Variants in RASEF observed in about 807,000 individuals in gnomAD.
RASEF encodes the protein RAS and EF-hand domain containing, also known as ras and EF-hand domain-containing protein.
In RASEF, 68 loss-of-function variants were observed where a neutral mutation model predicts 90.1. The observed-to-expected ratio is 0.75, with a 90% CI of 0.62 to 0.92. The LOEUF is 0.92. Among genes scored for constraint, RASEF ranks in the 40% least tolerant of loss-of-function variants. The pLI, the probability that RASEF is intolerant of heterozygous loss-of-function variation, is 0.00. For synonymous variants in RASEF, 331 were observed against 345.2 expected, an observed-to-expected ratio of 0.96 and a Z score of 0.46; for missense variants, 949 against 937.2, an observed-to-expected ratio of 1.01 and a Z score of -0.16.
chr9:83,001,214 G>A (rs1200108680), intron 9 of RASEF, 84 bp from the exon 10 acceptor site: 11 of 942,920 alleles, frequency 1.2e-5, no homozygotes, highest in Non-Finnish European at 1.8e-5. Context: ...GCCATTAGAT[G>A]GAATCAAGTA....
At chr9:82,993,946 C>T (rs1828860978) in intron 14 of RASEF, among the ~76,000 whole-genome samples, 1 of 152,212 alleles carries the variant, frequency 6.6e-6, no homozygotes, top group Admixed American at 6.5e-5. Flanking sequence ...TACAAGAAGA[C>T]AACCTGACTA....
chr9:83,073,081 C>T, the RASEF span, among the ~76,000 whole-genome samples: 2 of 152,292 alleles, frequency 1.3e-5, no homozygotes, highest in African/African-American at 4.8e-5. Context: ...CTCCATCACG[C>T]ATGTAGCAGA....
the RASEF span, among the ~76,000 whole-genome samples, chr9:83,117,566 A>G: frequency 1.3e-5 from 2 of 152,332 alleles, no homozygotes; most frequent in South Asian, 4.2e-4. Context: ...ATGCCACCTT[A>G]TCTGAAGATT....
the RASEF span, among the ~76,000 whole-genome samples, chr9:83,166,435 A>AT: frequency 1.3e-5 from 2 of 152,174 alleles, no homozygotes; most frequent in Admixed American, 1.3e-4. Flanking sequence ...AGGGTTGTCA[A>AT]TAGAGACTGA....
the RASEF span, among the ~76,000 whole-genome samples, chr9:83,183,856 G>A: frequency 0.71 from 108,514 of 152,154 alleles, 38,939 homozygotes; most frequent in Middle Eastern, 0.84. Flanking sequence ...CTCTGGGAGG[G>A]CTTTGGTGGC....
At chr9:82,993,237 A>AG (rs1828848677) in intron 14 of RASEF, among the ~76,000 whole-genome samples, 2 of 151,942 alleles carry the variant, frequency 1.3e-5, no homozygotes, top group South Asian at 4.1e-4. Context: ...GAGAGGTTAA[A>AG]TAAGAAGGTA....
the RASEF span, among the ~76,000 whole-genome samples, chr9:83,145,700 GA>G: frequency 3.3e-5 from 5 of 151,702 alleles, no homozygotes; most frequent in African/African-American, 1.2e-4. Context: ...TAAAAATAAA[GA>G]AGAGAGAAAA....
At position 83,005,457 on chromosome 9, in the gene RASEF, T is replaced by C. The variant is rs1212203328; in HGVS notation, c.1072A>G (p.Ser358Gly). The change falls in exon 8 of 17, where the codon AGT (serine) becomes GGT (glycine). Residue 358 changes from serine (S) to glycine (G), a missense_variant. By Grantham distance (56) the Ser-to-Gly change is moderately conservative. Transcript: ENST00000376447. ...TTGCTATAACTGTTTTCAAGGGCACTTCTAAGGCCATCATTACTGTCATGT... is the reference window on the plus strand; with the variant it reads ...TTGCTATAACTGTTTTCAAGGGCACCTCTAAGGCCATCATTACTGTCATGT... ...KLHDSNDGLRSALENSYSKFN... is the reference protein window; with the variant it reads ...KLHDSNDGLRGALENSYSKFN... 6.2e-7 allele frequency: 1 copy of C among 1,614,060 alleles called. No homozygotes were observed. The highest frequency in any genetic ancestry group is 1.7e-5 in the Admixed American group (1 of 60,020).
chr9:83,043,533 G>A (rs576063353), intron 1 of RASEF, among the ~76,000 whole-genome samples: 19 of 152,220 alleles, frequency 1.2e-4, no homozygotes, highest in Admixed American at 1.2e-3. Context: ...TTTTGCATGT[G>A]GTTTTGTCTT....
intron 1 of RASEF, among the ~76,000 whole-genome samples, chr9:83,058,736 G>A (rs1830148188): frequency 1.3e-5 from 2 of 152,202 alleles, no homozygotes; most frequent in Non-Finnish European, 2.9e-5. Flanking sequence ...GCTGTCCAAT[G>A]GGTGAGCCTT....
chr9:83,153,224 A>G, the RASEF span, among the ~76,000 whole-genome samples: 1 of 152,120 alleles, frequency 6.6e-6, no homozygotes, highest in African/African-American at 2.4e-5. Context: ...CACCATGTAT[A>G]TTCATATTTT....
At chr9:83,106,863 T>C in the RASEF span, among the ~76,000 whole-genome samples, 1 of 152,186 alleles carries the variant, frequency 6.6e-6, no homozygotes, top group Admixed American at 6.5e-5. Flanking sequence ...CTCTTCCTGC[T>C]TAAATTCCAG....
rs116954742 is a variant in RASEF at position 83,008,243 on chromosome 9, G to A, written c.960-738C>T. ...TTGGTTCACAATAACCTGTCCATCT[G>A]CTCCCTGGATGATAAAAGTACACAT... On this transcript the variant is annotated intron_variant, in intron 6 of 16. Coordinates refer to ENST00000376447, the MANE Select transcript of RASEF (RefSeq NM_152573.4). Among the ~76,000 whole-genome samples the A allele has an allele frequency of 2.6e-5, 4 of 152,264 alleles. No homozygotes were observed. The East Asian group carries it at 5.8e-4, about 22-fold the overall frequency.
chr9:83,048,209 T>C (rs1829967299), intron 1 of RASEF: 2 of 985,234 alleles, frequency 2.0e-6, no homozygotes, highest in Non-Finnish European at 2.4e-6. Flanking sequence ...GGAGGTCATC[T>C]GACAGGGACC....
At chr9:83,196,066 C>T in the RASEF span, among the ~76,000 whole-genome samples, 1 of 151,968 alleles carries the variant, frequency 6.6e-6, no homozygotes, top group South Asian at 2.1e-4. Context: ...CAAGGTGTTT[C>T]GCCTGAGTGA....
the RASEF span, among the ~76,000 whole-genome samples, chr9:83,142,217 A>T: frequency 5.9e-5 from 9 of 152,334 alleles, no homozygotes; most frequent in South Asian, 8.3e-4. Context: ...AAACAATCAC[A>T]CTGAAATCAA....
the RASEF span, among the ~76,000 whole-genome samples, chr9:83,085,881 C>T: frequency 1.7e-3 from 253 of 151,824 alleles, 2 homozygotes; most frequent in African/African-American, 5.3e-3. Flanking sequence ...GCTGAGATTG[C>T]GCCACTACAC....
chr9:83,075,980 C>T, the RASEF span, among the ~76,000 whole-genome samples: 3 of 151,880 alleles, frequency 2.0e-5, no homozygotes, highest in Non-Finnish European at 2.9e-5. Context: ...CCAGCCTGGC[C>T]ACCACAGTGA....
the RASEF span, among the ~76,000 whole-genome samples, chr9:83,074,693 G>A: frequency 6.6e-6 from 1 of 152,176 alleles, no homozygotes; most frequent in African/African-American, 2.4e-5. Flanking sequence ...GAGTAGCTGT[G>A]ACACACATAT....
Sources: allele counts gnomAD v4.1 joint callset (sites outside exome capture counted in the v4.1 genomes callset), GRCh38; gene constraint gnomAD v4.1.1; transcripts MANE v1.5; gene names NCBI Gene and HGNC (gene_info 2026-07-23, HGNC 2026-07-21).